PKHD1: variants seen among roughly 807,000 people sequenced by gnomAD.
The protein encoded by PKHD1 is PKHD1 ciliary IPT domain containing fibrocystin/polyductin, also known as fibrocystin.
In PKHD1, 291 loss-of-function variants were observed where a neutral mutation model predicts 412.0. That is an observed-to-expected ratio of 0.71 (90% CI 0.64 to 0.78). The LOEUF (loss-of-function observed/expected upper bound fraction) is 0.78, where lower values mean the gene tolerates loss of function less well. Ranked by LOEUF, PKHD1 falls within the 30% of genes least tolerant of loss-of-function variation. The probability of loss-of-function intolerance (pLI) is 0.00; values close to 1 mark genes in which losing one functional copy is unlikely to be tolerated. For missense variants in PKHD1, 4,825 were observed against 4,950.7 expected (o/e 0.97, Z 0.76); for synonymous variants, 1,777 against 1,821.5 (o/e 0.98, Z 0.62).
intron 53 of PKHD1, among the ~76,000 whole-genome samples, chr6:51,784,693 C>G (rs192405036): frequency 6.6e-6 from 1 of 152,146 alleles, no homozygotes; most frequent in Non-Finnish European, 1.5e-5. Flanking sequence ...AAACTCATGA[C>G]GTTCACTATA....
chr6:51,732,467 T>C (rs536690230), intron 60 of PKHD1, among the ~76,000 whole-genome samples: 8 of 152,164 alleles, frequency 5.3e-5, no homozygotes, highest in African/African-American at 1.9e-4. Context: ...AACAGCCCAA[T>C]TCAAAAATTA....
intron 35 of PKHD1, among the ~76,000 whole-genome samples, chr6:51,980,741 A>G (rs1289281239): frequency 1.3e-5 from 2 of 152,252 alleles, no homozygotes; most frequent in Non-Finnish European, 2.9e-5. Flanking sequence ...TTACTTGCAG[A>G]AATATCTCAT....
At chr6:51,809,885 T>C (rs1305980443) in intron 52 of PKHD1, among the ~76,000 whole-genome samples, 1 of 149,624 alleles carries the variant, frequency 6.7e-6, no homozygotes, top group Non-Finnish European at 1.5e-5. Context: ...AAAAAAAACA[T>C]AGGCTTACCA....
chr6:51,827,744 GT>G (rs1767559095), intron 52 of PKHD1, among the ~76,000 whole-genome samples: 1 of 152,096 alleles, frequency 6.6e-6, no homozygotes, highest in Non-Finnish European at 1.5e-5. Flanking sequence ...GCTGGTCACA[GT>G]TGTATGGAAC....
intron 51 of PKHD1, 30 bp downstream of exon 51, chr6:51,836,374 G>A (rs773103081): frequency 7.0e-7 from 1 of 1,436,130 alleles, no homozygotes. Flanking sequence ...TGCCATACTA[G>A]ACACTTCTAC....
Position 51,728,935 on chromosome 6 carries a change from G to A in PKHD1, c.10156+15450C>T, listed in dbSNP as rs186433223. ...AGTGCTTATCCTATGACAGGCCTGG[G>A]GCCAAGTTTTTTATATGCATTTTGT... is the stretch of plus-strand genomic sequence containing the variant. On this transcript the variant is annotated intron_variant, in intron 60 of 66. Coordinates refer to ENST00000371117, the MANE Select transcript of PKHD1 (RefSeq NM_138694.4). Among the ~76,000 whole-genome samples, 421 of 152,194 alleles carry A rather than the reference G, an allele frequency of 2.8e-3. 2 individuals are homozygous for A. The highest frequency in any genetic ancestry group is 4.4e-3 in the Non-Finnish European group (302 of 68,004).
chr6:51,647,988 A>G (rs762784739), intron 63 of PKHD1, 43 bp downstream of exon 63: 1 of 1,087,876 alleles, frequency 9.2e-7, no homozygotes, highest in South Asian at 1.2e-5. Flanking sequence ...CTGTGCAGAT[A>G]AAGTGGTAAC....
intron 52 of PKHD1, among the ~76,000 whole-genome samples, chr6:51,823,050 A>G (rs2151466565): frequency 6.6e-6 from 1 of 152,202 alleles, no homozygotes; most frequent in African/African-American, 2.4e-5. Context: ...CTGCTGCTGA[A>G]AGTTTGTACA....
rs778548578 is a variant in PKHD1 at position 51,887,171 on chromosome 6, A to C, written c.7071T>G (p.Leu2357=). Residue 2357 remains leucine, a synonymous_variant, in exon 44 of 67, where the codon CTT becomes CTG. Coordinates refer to ENST00000371117, the MANE Select transcript of PKHD1 (RefSeq NM_138694.4). ...GTGCAATGTTCTGAGTGAAGGAAAG[A>C]AGCGGAGCTTGTGATGTTTGGTTGG... ...LMTNQTSQAP[L]LSFTQNIAHS... The C allele has an allele frequency of 1.2e-6, 2 of 1,613,244 alleles. No individual in the cohort carries two copies. Among genetic ancestry groups the C allele is most frequent in the South Asian group, 2.2e-5 (2 of 91,066 alleles).
intron 60 of PKHD1, among the ~76,000 whole-genome samples, chr6:51,677,885 CT>C (rs980576112): frequency 1.3e-4 from 20 of 152,142 alleles, no homozygotes; most frequent in African/African-American, 4.8e-4. Context: ...AAAATCCTTA[CT>C]TTTATTAGTA....
At chr6:52,044,708 A>G (rs1460286009) in intron 25 of PKHD1, among the ~76,000 whole-genome samples, 1 of 152,246 alleles carries the variant, frequency 6.6e-6, no homozygotes. Flanking sequence ...ATTTAGCTAT[A>G]GAAATTATCA....
At chr6:52,016,406 C>T (rs1800535946) in intron 34 of PKHD1, among the ~76,000 whole-genome samples, 1 of 151,970 alleles carries the variant, frequency 6.6e-6, no homozygotes, top group African/African-American at 2.4e-5. Context: ...GAGACCAAGT[C>T]GGGTGGATTG....
At position 51,619,230 on chromosome 6, in the gene PKHD1, G is replaced by A. The variant is rs780097121; in HGVS notation, c.12076C>T (p.Gln4026Ter). 3.1e-6 allele frequency: 5 copies of A among 1,614,134 alleles called. No homozygotes were observed. In the Admixed American group the frequency reaches 8.3e-5, roughly 27 times the overall value. Residue 4026 changes from glutamine to a stop codon, truncating the protein, a stop_gained, in exon 67 of 67, where the codon CAA (glutamine) becomes TAA (stop). Transcript: ENST00000371117. LOFTEE classifies it low-confidence loss of function (END_TRUNC). ...QLLLLCPDFR[Q>*]ERQQLPGQSR... ...TGCCCTGGCAACTGCTGCCTCTCTT[G>A]TCTGAAGTCTGGGCATAGCAGCAGC... is the stretch of plus-strand genomic sequence containing the variant.
chr6:51,915,049 G>A (rs1458159120), intron 37 of PKHD1, among the ~76,000 whole-genome samples: 1 of 152,078 alleles, frequency 6.6e-6, no homozygotes, highest in Non-Finnish European at 1.5e-5. Flanking sequence ...ATTTATTTGA[G>A]CTGCTTTGTG....
chr6:52,049,744 A>T (rs1326434401), intron 22 of PKHD1, among the ~76,000 whole-genome samples: 1 of 152,206 alleles, frequency 6.6e-6, no homozygotes, highest in African/African-American at 2.4e-5. Flanking sequence ...ATTTCAAAGG[A>T]TTTCAACAAG....
At position 51,636,428 on chromosome 6, in the gene PKHD1, T is replaced by A. The variant is rs192320777; in HGVS notation, c.11506+2421A>T. ...GGTGTGGTGGCACACACGTCTGTAG[T>A]CCCAGCTACTTTGGAGGCTGAGGTA... On this transcript the variant is annotated intron_variant, in intron 64 of 66. Coordinates refer to ENST00000371117, the MANE Select transcript of PKHD1 (RefSeq NM_138694.4). Among the ~76,000 whole-genome samples the A allele has an allele frequency of 8.5e-5, 13 of 152,120 alleles. No homozygotes were observed. The East Asian group carries it at 1.9e-3, about 23-fold the overall frequency.
chr6:52,018,005 T>C (rs1401917313), intron 33 of PKHD1, among the ~76,000 whole-genome samples: 1 of 152,230 alleles, frequency 6.6e-6, no homozygotes, highest in Non-Finnish European at 1.5e-5. Flanking sequence ...AAACAAGAGA[T>C]TGAGTTTTCC....
At chr6:51,995,248 A>C (rs1344374076) in intron 35 of PKHD1, among the ~76,000 whole-genome samples, 2 of 152,210 alleles carry the variant, frequency 1.3e-5, no homozygotes, top group African/African-American at 2.4e-5. Flanking sequence ...GCTCAGCAAG[A>C]CTAGAGTTCT....
At chr6:52,033,703 G>A (rs1339760813) in intron 28 of PKHD1, among the ~76,000 whole-genome samples, 4 of 151,858 alleles carry the variant, frequency 2.6e-5, no homozygotes. Flanking sequence ...GTAAGTACTA[G>A]GATAAAATCT....
Sources: gnomAD v4.1 joint callset for allele counts (sites outside exome capture counted in the v4.1 genomes callset) on GRCh38, gnomAD v4.1.1 for gene constraint, MANE v1.5 for transcripts, NCBI Gene and HGNC (gene_info 2026-07-23, HGNC 2026-07-21) for gene names.